NAALADL2: variants seen among roughly 807,000 people sequenced by gnomAD.
NAALADL2 encodes N-acetylated alpha-linked acidic dipeptidase like 2, also known as inactive N-acetylated-alpha-linked acidic dipeptidase-like protein 2.
Under a neutral mutation model 87.2 loss-of-function variants are expected in NAALADL2, and 76 were observed. The ratio of observed to expected loss-of-function variants is 0.87; its 90% CI spans 0.72 to 1.05. The LOEUF (loss-of-function observed/expected upper bound fraction) is 1.05. Among genes scored for constraint, NAALADL2 ranks in the 50% least tolerant of loss-of-function variants. The pLI is 0.00. For missense variants in NAALADL2, 1,089 were observed against 945.8 expected, an observed-to-expected ratio of 1.15 and a Z score of -1.99; for synonymous variants, 354 against 331.0, an observed-to-expected ratio of 1.07 and a Z score of -0.75.
At chr3:175,342,613 T>C (rs950270815) in intron 5 of NAALADL2, among the ~76,000 whole-genome samples, 2 of 152,106 alleles carry the variant, frequency 1.3e-5, no homozygotes, top group Non-Finnish European at 2.9e-5. Flanking sequence ...ATTTTATAGT[T>C]AATTTTCTAA....
chr3:175,484,204 A>G (rs1230976803), intron 9 of NAALADL2, among the ~76,000 whole-genome samples: 1 of 152,156 alleles, frequency 6.6e-6, no homozygotes, highest in East Asian at 1.9e-4. Flanking sequence ...ATTTAGAAAA[A>G]AATGTATTAG....
intron 2 of NAALADL2, among the ~76,000 whole-genome samples, chr3:175,110,893 G>T (rs1724077942): frequency 6.6e-6 from 1 of 151,654 alleles, no homozygotes; most frequent in Non-Finnish European, 1.5e-5. Flanking sequence ...ACAAGAGAAA[G>T]AAAATGAATT....
At chr3:175,001,800 G>A (rs984501196) in intron 1 of NAALADL2, among the ~76,000 whole-genome samples, 1 of 152,090 alleles carries the variant, frequency 6.6e-6, no homozygotes, top group Admixed American at 6.6e-5. Flanking sequence ...AGCATCCTAA[G>A]CTGAAAACCC....
At chr3:175,368,903 T>G (rs1766058856) in intron 5 of NAALADL2, among the ~76,000 whole-genome samples, 1 of 151,944 alleles carries the variant, frequency 6.6e-6, no homozygotes, top group African/African-American at 2.4e-5. Context: ...ATATAAAAGA[T>G]TAAAAAAAAT....
At chr3:175,306,081 A>C (rs1487726261) in intron 4 of NAALADL2, among the ~76,000 whole-genome samples, 1 of 151,984 alleles carries the variant, frequency 6.6e-6, no homozygotes, top group Non-Finnish European at 1.5e-5. Context: ...GTAAAAATGT[A>C]TATGTTTTAT....
At chr3:174,486,840 C>T (rs1717888385) in intron 1 of NAALADL2, among the ~76,000 whole-genome samples, 1 of 151,948 alleles carries the variant, frequency 6.6e-6, no homozygotes, top group Non-Finnish European at 1.5e-5. Flanking sequence ...ATATAATACT[C>T]CTTCTCTCAT....
chr3:175,070,434 T>A (rs1334983366), intron 1 of NAALADL2, among the ~76,000 whole-genome samples: 1 of 152,078 alleles, frequency 6.6e-6, no homozygotes, highest in South Asian at 2.1e-4. Context: ...ATTGTATAAC[T>A]GCTGGACTTG....
intron 1 of NAALADL2, among the ~76,000 whole-genome samples, chr3:174,549,164 T>A (rs890814882): frequency 6.6e-6 from 1 of 152,226 alleles, no homozygotes; most frequent in Non-Finnish European, 1.5e-5. Context: ...TTTAAACTTA[T>A]GTATTTTTAT....
At chr3:174,873,804 TC>T (rs2109637580) in intron 1 of NAALADL2, among the ~76,000 whole-genome samples, 1 of 151,724 alleles carries the variant, frequency 6.6e-6, no homozygotes, top group South Asian at 2.1e-4. Flanking sequence ...ATTATAATAT[TC>T]GTGCATGCCA....
chr3:174,535,780 G>T (rs1488769745), intron 1 of NAALADL2, among the ~76,000 whole-genome samples: 1 of 151,996 alleles, frequency 6.6e-6, no homozygotes, highest in Non-Finnish European at 1.5e-5. Context: ...AATACCTATT[G>T]GTTGACTTAT....
intron 5 of NAALADL2, among the ~76,000 whole-genome samples, chr3:175,354,575 G>C (rs1254805774): frequency 6.6e-6 from 1 of 151,970 alleles, no homozygotes; most frequent in Non-Finnish European, 1.5e-5. Context: ...ATAAAAAGGT[G>C]AGTTTTTAAA....
chr3:175,591,854 A>G (rs1721531397), intron 10 of NAALADL2, among the ~76,000 whole-genome samples: 1 of 149,324 alleles, frequency 6.7e-6, no homozygotes, highest in African/African-American at 2.5e-5. Flanking sequence ...TATATATAAC[A>G]TTGTCATAGA....
intron 1 of NAALADL2, among the ~76,000 whole-genome samples, chr3:175,067,173 C>T (rs1002320483): frequency 6.6e-6 from 1 of 152,074 alleles, no homozygotes; most frequent in Non-Finnish European, 1.5e-5. Flanking sequence ...CCATTCTGGA[C>T]GTGGGCCTTG....
chr3:175,235,253 C>T (rs1388543401), intron 3 of NAALADL2: 7 of 152,012 alleles, frequency 4.6e-5, no homozygotes, highest in Non-Finnish European at 8.8e-5. Flanking sequence ...ACAGTAAATG[C>T]TCGTTCCTAA....
intron 1 of NAALADL2, among the ~76,000 whole-genome samples, chr3:174,452,153 G>A (rs1395998273): frequency 1.3e-5 from 2 of 152,000 alleles, no homozygotes; most frequent in African/African-American, 4.8e-5. Flanking sequence ...GATAGTGGGA[G>A]TGTTAAAGAA....
At chr3:174,807,746 A>G (rs1719670615) in intron 3 of NAALADL2, among the ~76,000 whole-genome samples, 1 of 152,092 alleles carries the variant, frequency 6.6e-6, no homozygotes, top group Non-Finnish European at 1.5e-5. Context: ...AATATAGGTA[A>G]TTAGTGTAAT....
At chr3:174,737,498 A>C (rs183873655) in intron 2 of NAALADL2, 1 of 152,370 alleles carries the variant, frequency 6.6e-6, no homozygotes, top group African/African-American at 2.4e-5. Flanking sequence ...TTCCAAAAGA[A>C]GTGAAAAATT....
chr3:174,781,212 T>G (rs907954349), intron 3 of NAALADL2, among the ~76,000 whole-genome samples: 1 of 152,012 alleles, frequency 6.6e-6, no homozygotes, highest in Non-Finnish European at 1.5e-5. Context: ...CCATTACCAT[T>G]TTTTTCCTTC....
At chr3:174,875,427 C>G (rs1728386714) in intron 1 of NAALADL2, among the ~76,000 whole-genome samples, 1 of 151,968 alleles carries the variant, frequency 6.6e-6, no homozygotes, top group African/African-American at 2.4e-5. Context: ...CTAGTATGAA[C>G]CACTGGTTGA....
Sources: gnomAD v4.1 joint callset for allele counts (sites outside exome capture counted in the v4.1 genomes callset) on GRCh38, gnomAD v4.1.1 for gene constraint, MANE v1.5 for transcripts, NCBI Gene and HGNC (gene_info 2026-07-23, HGNC 2026-07-21) for gene names.